Variants in SIK3 observed in about 807,000 individuals in gnomAD.
SIK3 encodes serine/threonine-protein kinase SIK3.
SIK3 carries 28 observed loss-of-function variants against 144.2 expected under a neutral mutation model. The observed-to-expected ratio is 0.19, with a 90% CI of 0.14 to 0.27. The LOEUF (loss-of-function observed/expected upper bound fraction) is 0.27, where lower values mean the gene tolerates loss of function less well. SIK3 is among the 10% of genes least tolerant of loss of function. The probability of loss-of-function intolerance (pLI) is 1.00; values close to 1 mark genes in which losing one functional copy is unlikely to be tolerated. For synonymous variants in SIK3, 686 were observed against 676.3 expected (o/e 1.01, Z -0.22); for missense variants, 1,319 against 1,776.0 (o/e 0.74, Z 4.62).
At chr11:116,939,902 A>G (rs1318741646) in intron 3 of SIK3, among the ~76,000 whole-genome samples, 1 of 152,224 alleles carries the variant, frequency 6.6e-6, no homozygotes, top group Non-Finnish European at 1.5e-5. Flanking sequence ...AAATTTAGAC[A>G]TTTTTCAACT....
At chr11:117,057,382 ACC>A (rs1591626399) in intron 1 of SIK3, among the ~76,000 whole-genome samples, 1 of 152,222 alleles carries the variant, frequency 6.6e-6, no homozygotes. Context: ...AAGTACAGGC[ACC>A]TATTCTTTTA....
At chr11:116,892,753 C>T (rs549404663) in intron 6 of SIK3, among the ~76,000 whole-genome samples, 2 of 152,290 alleles carry the variant, frequency 1.3e-5, no homozygotes, top group South Asian at 4.1e-4. Flanking sequence ...TATGTCCACA[C>T]AAAAACCTGC....
At chr11:116,985,472 C>T (rs924464716) in intron 1 of SIK3, among the ~76,000 whole-genome samples, 3 of 152,108 alleles carry the variant, frequency 2.0e-5, no homozygotes, top group Non-Finnish European at 4.4e-5. Context: ...GTTGAGTTTG[C>T]GCTTGTAAAT....
intron 1 of SIK3, among the ~76,000 whole-genome samples, chr11:116,991,574 G>C (rs1411110118): frequency 6.6e-6 from 1 of 152,164 alleles, no homozygotes; most frequent in Non-Finnish European, 1.5e-5. Flanking sequence ...TATAGTTTCA[G>C]TCAAGAAGTA....
chr11:116,884,735 C>G (rs1224236053), intron 6 of SIK3, among the ~76,000 whole-genome samples: 1 of 152,100 alleles, frequency 6.6e-6, no homozygotes, highest in African/African-American at 2.4e-5. Flanking sequence ...TCTCAGCCTC[C>G]TGAGTTGTTG....
chr11:116,876,079 A>G, intron 8 of SIK3, 70 bp from the exon 9 acceptor site: 1 of 1,585,672 alleles, frequency 6.3e-7, no homozygotes, highest in Admixed American at 1.8e-5. Context: ...GAACCCTTTC[A>G]GTAATAACAT....
At chr11:117,083,787 C>G (rs1342320244) in intron 1 of SIK3, among the ~76,000 whole-genome samples, 1 of 152,188 alleles carries the variant, frequency 6.6e-6, no homozygotes, top group African/African-American at 2.4e-5. Flanking sequence ...AGCATATGAA[C>G]CAAGATTGCT....
At chr11:117,096,890 G>A (rs576506462) in intron 1 of SIK3, among the ~76,000 whole-genome samples, 1 of 152,282 alleles carries the variant, frequency 6.6e-6, no homozygotes, top group South Asian at 2.1e-4. Context: ...GGAGGTGAGG[G>A]GAATTGATGT....
chr11:116,908,575 C>T (rs1438997211), intron 4 of SIK3, among the ~76,000 whole-genome samples: 1 of 151,818 alleles, frequency 6.6e-6, no homozygotes. Context: ...AAACAAACTC[C>T]TATAAATCAA....
In SIK3 at chr11:116,944,602, C is replaced by T. The variant is rs181424632; in HGVS notation, c.454+9442G>A. Among the ~76,000 whole-genome samples, 302 of 152,260 alleles carry T rather than the reference C, an allele frequency of 2.0e-3. 1 individual carries two copies. The highest frequency in any genetic ancestry group is 6.3e-3 in the African/African-American group (260 of 41,546). Reference sequence around the variant, plus strand: ...CCAGGAGTGTAACATATCTTGTATCCACATGGAAAGGACAACAAAAGTTCT... The same window carrying T: ...CCAGGAGTGTAACATATCTTGTATCTACATGGAAAGGACAACAAAAGTTCT... On this transcript the variant is annotated intron_variant, in intron 3 of 24. Transcript: ENST00000445177.
At chr11:116,937,176 G>A (rs184734735) in intron 3 of SIK3, among the ~76,000 whole-genome samples, 7 of 152,186 alleles carry the variant, frequency 4.6e-5, no homozygotes, top group South Asian at 2.1e-4. Context: ...ACTGCAAGAC[G>A]TAGAAAAATA....
intron 3 of SIK3, among the ~76,000 whole-genome samples, chr11:116,935,337 C>T (rs1305690712): frequency 1.3e-5 from 2 of 151,664 alleles, no homozygotes; most frequent in Non-Finnish European, 2.9e-5. Context: ...TCAAGGAATA[C>T]CAATGAGAGA....
At chr11:117,071,157 C>T (rs1386069605) in intron 1 of SIK3, among the ~76,000 whole-genome samples, 2 of 150,566 alleles carry the variant, frequency 1.3e-5, no homozygotes, top group Non-Finnish European at 2.9e-5. Context: ...GCAGGGCAGA[C>T]TGAAATCAAA....
chr11:116,875,388 T>G lies in SIK3; in HGVS notation c.1303A>C (p.Asn435His). ...TTGCTACTTGCCTCCACAATTTGGT[T>G]CTCTGGGTTGATCAGCTGCACCTGG... The part of the protein sequence containing the change: ...VPQVQLINPE[N>H]QIVEPDGTLN... The change falls in exon 10 of 25, where the codon AAC (asparagine) becomes CAC (histidine). Residue 435 changes from asparagine (N) to histidine (H), a missense_variant. Around this residue, in one of 8 missense-constraint regions of SIK3, gnomAD observed 167 missense variants for 263.3 expected, o/e 0.63. Coordinates refer to ENST00000445177, the MANE Select transcript of SIK3 (RefSeq NM_001366686.3). 6.2e-7 allele frequency: 1 copy of G among 1,614,176 alleles called. No homozygotes were observed. The highest frequency in any genetic ancestry group is 8.5e-7 in the Non-Finnish European group (1 of 1,180,024).
At chr11:116,863,477 C>T (rs540858223) in intron 16 of SIK3, among the ~76,000 whole-genome samples, 191 bp downstream of exon 16, 147 of 152,296 alleles carry the variant, frequency 9.7e-4, no homozygotes, top group African/African-American at 3.4e-3. Context: ...AATCCTCCCA[C>T]GTTGGCCTCC....
chr11:116,964,495 C>T (rs997802199), intron 1 of SIK3, among the ~76,000 whole-genome samples: 3 of 152,144 alleles, frequency 2.0e-5, no homozygotes, highest in African/African-American at 7.2e-5. Flanking sequence ...TGCTAGCCAA[C>T]TCGAGACACA....
At chr11:116,981,354 A>G (rs1950134520) in intron 1 of SIK3, among the ~76,000 whole-genome samples, 1 of 152,162 alleles carries the variant, frequency 6.6e-6, no homozygotes, top group Non-Finnish European at 1.5e-5. Flanking sequence ...TTCCACATGG[A>G]TCTCTCCATG....
chr11:116,893,805 A>T (rs1469549462), intron 6 of SIK3: 1 of 154,248 alleles, frequency 6.5e-6, no homozygotes, highest in East Asian at 1.9e-4. Context: ...ATCACTGGTG[A>T]CCCTGGCCAG....
chr11:117,057,519 G>A (rs190053114), intron 1 of SIK3, among the ~76,000 whole-genome samples: 3 of 152,142 alleles, frequency 2.0e-5, no homozygotes, highest in East Asian at 1.9e-4. Context: ...ACAAGTACTC[G>A]GTCACAGACT....
Sources: allele counts gnomAD v4.1 joint callset (sites outside exome capture counted in the v4.1 genomes callset), GRCh38; gene constraint gnomAD v4.1.1; regional missense constraint gnomAD v4.1.1; transcripts MANE v1.5; gene names NCBI Gene and HGNC (gene_info 2026-07-23, HGNC 2026-07-21).